Variants in RANBP17 observed in about 807,000 individuals in gnomAD.
The protein encoded by RANBP17 is RAN binding protein 17, also known as ran-binding protein 17.
RANBP17 carries 158 observed loss-of-function variants against 141.2 expected under a neutral mutation model. The observed-to-expected ratio is 1.12, with a 90% CI of 0.98 to 1.28. The LOEUF (loss-of-function observed/expected upper bound fraction) is 1.28, where lower values mean the gene tolerates loss of function less well. Ranked by LOEUF, RANBP17 falls within the 50% of genes most tolerant of loss-of-function variation. The pLI is 0.00. For missense variants in RANBP17, 1,438 were observed against 1,290.7 expected (o/e 1.11, Z -1.75); for synonymous variants, 430 against 450.0 (o/e 0.96, Z 0.56).
intron 14 of RANBP17, among the ~76,000 whole-genome samples, chr5:170,972,069 A>C (rs932724710): frequency 2.0e-5 from 3 of 151,432 alleles, no homozygotes; most frequent in Non-Finnish European, 4.4e-5. Context: ...ATTTAGTATT[A>C]TTCTCATCCA....
chr5:171,237,095 C>G (rs1001066068), intron 22 of RANBP17, among the ~76,000 whole-genome samples: 1 of 152,010 alleles, frequency 6.6e-6, no homozygotes, highest in Non-Finnish European at 1.5e-5. Context: ...ACCTGAGAGT[C>G]GGTCGCAGAT....
chr5:171,060,436 T>A lies in RANBP17; in HGVS notation c.1710+92059T>A, dbSNP rs537279529. Among the ~76,000 whole-genome samples the A allele has an allele frequency of 4.1e-4, 63 of 152,212 alleles. 1 individual carries two copies. In the South Asian group the frequency reaches 0.012, roughly 30 times the overall value. ...TTGAGATAATCATGTGGTTTTTGTC[T>A]TTGGTTCTGTTTATATGCTGGATTA... On this transcript the variant is annotated intron_variant, in intron 14 of 27. Transcript: ENST00000523189.
At chr5:171,191,431 G>A (rs1038158072) in intron 18 of RANBP17, among the ~76,000 whole-genome samples, 2 of 152,156 alleles carry the variant, frequency 1.3e-5, no homozygotes, top group African/African-American at 4.8e-5. Flanking sequence ...GCTCACGCCT[G>A]TAATCCCAGG....
At chr5:170,953,518 TG>T in intron 12 of RANBP17, 78 bp from the exon 13 acceptor site, 1 of 844,832 alleles carries the variant, frequency 1.2e-6, no homozygotes, top group Non-Finnish European at 2.0e-6. Flanking sequence ...ATCATTGTGC[TG>T]ATTTTGGAAT....
chr5:170,928,762 T>C (rs996308099), intron 12 of RANBP17, among the ~76,000 whole-genome samples: 1 of 123,808 alleles, frequency 8.1e-6, no homozygotes, highest in Non-Finnish European at 1.8e-5. Flanking sequence ...TAATACAAAT[T>C]ATTTAACCTT....
At chr5:171,039,163 C>T (rs1782077900) in intron 14 of RANBP17, among the ~76,000 whole-genome samples, 1 of 151,558 alleles carries the variant, frequency 6.6e-6, no homozygotes, top group Non-Finnish European at 1.5e-5. Flanking sequence ...ACTGTGGAGA[C>T]AGTGCCTGAA....
At chr5:171,153,415 G>T (rs1396690457) in intron 14 of RANBP17, among the ~76,000 whole-genome samples, 1 of 152,094 alleles carries the variant, frequency 6.6e-6, no homozygotes, top group African/African-American at 2.4e-5. Context: ...TTACAAATCT[G>T]TTTATTATAT....
chr5:171,243,220 T>C (rs1375713238), intron 24 of RANBP17, among the ~76,000 whole-genome samples: 1 of 152,222 alleles, frequency 6.6e-6, no homozygotes, highest in Non-Finnish European at 1.5e-5. Flanking sequence ...AGGAAACTAA[T>C]GCTTTCTCTC....
chr5:171,010,214 G>GT (rs1402922225), intron 14 of RANBP17, among the ~76,000 whole-genome samples: 3 of 152,174 alleles, frequency 2.0e-5, no homozygotes, highest in Non-Finnish European at 4.4e-5. Context: ...GATCTTAGCA[G>GT]TTGCTGGAGA....
chr5:171,277,637 G>GTATGTATATGTATAGATATATA (rs1554127913), intron 25 of RANBP17, among the ~76,000 whole-genome samples: 1 of 56,904 alleles, frequency 1.8e-5, no homozygotes, highest in Non-Finnish European at 3.4e-5. Flanking sequence ...ATATATGTAT[G>GTATGTATATGTATAGATATATA]TATATATATA....
intron 14 of RANBP17, among the ~76,000 whole-genome samples, chr5:171,169,202 G>A (rs1759928563): frequency 1.3e-5 from 2 of 152,142 alleles, no homozygotes; most frequent in Admixed American, 1.3e-4. Context: ...AAGACAGAGG[G>A]AATAGAAGCT....
chr5:171,234,751 G>A (rs1735591064), intron 22 of RANBP17, among the ~76,000 whole-genome samples: 1 of 152,168 alleles, frequency 6.6e-6, no homozygotes, highest in African/African-American at 2.4e-5. Context: ...AGATGGGTGT[G>A]GGGGACCAAA....
intron 24 of RANBP17, among the ~76,000 whole-genome samples, chr5:171,260,418 A>G (rs987258445): frequency 6.7e-6 from 1 of 149,300 alleles, no homozygotes. Context: ...CAGTGAGCCG[A>G]GATCACTGCA....
intron 21 of RANBP17, among the ~76,000 whole-genome samples, chr5:171,219,160 G>C (rs1763405671): frequency 6.6e-6 from 1 of 152,122 alleles, no homozygotes; most frequent in Admixed American, 6.6e-5. Context: ...AGCTTAGTTT[G>C]GCTGGATATG....
intron 14 of RANBP17, among the ~76,000 whole-genome samples, chr5:171,150,384 G>A (rs989567866): frequency 2.7e-5 from 4 of 150,800 alleles, no homozygotes; most frequent in Non-Finnish European, 5.9e-5. Context: ...TAACAGATTC[G>A]TAATGATAGA....
intron 14 of RANBP17, among the ~76,000 whole-genome samples, chr5:171,102,257 A>G (rs1787222497): frequency 6.6e-6 from 1 of 152,082 alleles, no homozygotes. Flanking sequence ...GTCTTTTCAC[A>G]TAGTCCCATA....
intron 19 of RANBP17, among the ~76,000 whole-genome samples, chr5:171,203,708 G>A (rs185111002): frequency 3.9e-5 from 6 of 152,174 alleles, no homozygotes; most frequent in Admixed American, 2.6e-4. Flanking sequence ...TTTGTATAAC[G>A]AGGATAGTCT....
At chr5:171,088,240 A>G (rs1376127889) in intron 14 of RANBP17, among the ~76,000 whole-genome samples, 1 of 151,856 alleles carries the variant, frequency 6.6e-6, no homozygotes, top group African/African-American at 2.4e-5. Context: ...GTTTGGCTGG[A>G]TATGAAATTC....
rs901349040 is a variant in RANBP17 at position 171,057,078 on chromosome 5, G to C, written c.1710+88701G>C. Among the ~76,000 whole-genome samples, 5 of 152,034 alleles carry C rather than the reference G, an allele frequency of 3.3e-5. No individual in the cohort carries two copies. In the South Asian group the frequency reaches 1.0e-3, roughly 32 times the overall value. ...CTAGTCTCAATCAGTATGACCTTAA[G>C]GTAAGATTCATATAAACCTTTTATA... On this transcript the variant is annotated intron_variant, in intron 14 of 27. Transcript: ENST00000523189.
Sources: gnomAD v4.1 joint callset for allele counts (sites outside exome capture counted in the v4.1 genomes callset) on GRCh38, gnomAD v4.1.1 for gene constraint, MANE v1.5 for transcripts, NCBI Gene and HGNC (gene_info 2026-07-23, HGNC 2026-07-21) for gene names.